Variants in FLNB observed in about 807,000 individuals in gnomAD.
FLNB encodes the protein filamin-B.
In FLNB, 111 loss-of-function variants were observed where a neutral mutation model predicts 250.6. That is an observed-to-expected ratio of 0.44 (90% CI 0.38 to 0.52). The LOEUF (loss-of-function observed/expected upper bound fraction) is 0.52, where lower values mean the gene tolerates loss of function less well. Among genes scored for constraint, FLNB ranks in the 20% least tolerant of loss-of-function variants. The probability of loss-of-function intolerance (pLI) is 0.00; values close to 1 mark genes in which losing one functional copy is unlikely to be tolerated. For missense variants in FLNB, 2,869 were observed against 3,447.8 expected, an observed-to-expected ratio of 0.83 and a Z score of 4.20; for synonymous variants, 1,302 against 1,372.1, an observed-to-expected ratio of 0.95 and a Z score of 1.13.
chr3:58,078,565 C>G (rs892610596), intron 2 of FLNB, 152 bp from the exon 3 acceptor site: 2 of 1,530,852 alleles, frequency 1.3e-6, no homozygotes, highest in Non-Finnish European at 1.8e-6. Context: ...ACCTGTGATA[C>G]TTTTTGCCTA....
chr3:58,085,762 A>C (rs1459791902), intron 4 of FLNB, among the ~76,000 whole-genome samples: 1 of 152,172 alleles, frequency 6.6e-6, no homozygotes, highest in Admixed American at 6.5e-5. Flanking sequence ...GCACCCTTCT[A>C]TCTGAGTAAT....
chr3:58,170,739 C>T lies in FLNB; in HGVS notation c.7786C>T (p.Pro2596Ser). ...GGGGGAGGAACACATCCCTGGCAGC[C>T]CTTTTCATGTCACAGTGCCTTAAAA... The part of the protein sequence containing the change: ...KWGEEHIPGS[P>S]FHVTVP Residue 2596 changes from proline to serine, a missense_variant, in exon 46 of 46, where the codon CCT becomes TCT. By Grantham distance (74) the Pro-to-Ser change is moderately conservative (BLOSUM62 -1). Transcript: ENST00000295956. 6.2e-7 allele frequency: 1 copy of T among 1,614,104 alleles called. No individual in the cohort carries two copies. Among genetic ancestry groups the T allele is most frequent in the Non-Finnish European group, 8.5e-7 (1 of 1,180,016 alleles).
intron 1 of FLNB, among the ~76,000 whole-genome samples, chr3:58,062,700 C>T (rs1009359178): frequency 3.3e-5 from 5 of 152,198 alleles, no homozygotes; most frequent in East Asian, 3.8e-4. Context: ...AGCAGCTCAC[C>T]GAGCAAGAAA....
intron 1 of FLNB, among the ~76,000 whole-genome samples, chr3:58,034,153 G>A (rs113734871): frequency 0.039 from 5,870 of 152,234 alleles, 162 homozygotes; most frequent in Non-Finnish European, 0.056. Flanking sequence ...GAGCCACCAC[G>A]CCTGGCCGGG....
At chr3:58,153,725 A>G in intron 39 of FLNB, 84 bp downstream of exon 39, 3 of 1,520,316 alleles carry the variant, frequency 2.0e-6, no homozygotes, top group Non-Finnish European at 2.7e-6. Context: ...TTTTTGCCCC[A>G]TTTGAAAGAG....
At chr3:58,154,500 G>A in intron 39 of FLNB, 1 of 360,534 alleles carries the variant, frequency 2.8e-6, no homozygotes, top group South Asian at 2.5e-5. Flanking sequence ...AGCTGAGATT[G>A]CACCACTGCA....
At chr3:58,018,915 A>G (rs774633048) in intron 1 of FLNB, among the ~76,000 whole-genome samples, 9 of 137,136 alleles carry the variant, frequency 6.6e-5, no homozygotes, top group African/African-American at 8.4e-5. Context: ...TGGAGGATCT[A>G]TTGAGGCCAG....
chr3:58,122,065 A>C (rs539359935), intron 20 of FLNB, among the ~76,000 whole-genome samples: 114 of 146,646 alleles, frequency 7.8e-4, no homozygotes, highest in African/African-American at 2.8e-3. Context: ...GCTACTCGGG[A>C]GGCTGAGGCA....
rs140179998 is a variant in FLNB at position 58,037,099 on chromosome 3, C to G, written c.292+28243C>G. 4.2e-3 allele frequency among the ~76,000 whole-genome samples: 536 copies of G among 126,752 alleles called. 3 individuals carry two copies. Among genetic ancestry groups the G allele is most frequent in the Middle Eastern group, 0.017 (3 of 178 alleles). 83.2% of individuals were successfully genotyped at this position (126,752 alleles called of 152,430 possible). Reference sequence around the variant, plus strand: ...TTTTTTTTTTTGAGACAGTCTCGCTCTATCACCCTGGCTGGAGTGCAGTGG... The same window carrying G: ...TTTTTTTTTTTGAGACAGTCTCGCTGTATCACCCTGGCTGGAGTGCAGTGG... On this transcript the variant is annotated intron_variant, in intron 1 of 45. Coordinates refer to ENST00000295956, the MANE Select transcript of FLNB (RefSeq NM_001457.4).
chr3:58,056,105 A>AT (rs781244971), intron 1 of FLNB, among the ~76,000 whole-genome samples: 3,136 of 128,710 alleles, frequency 0.024, 69 homozygotes, highest in African/African-American at 0.037. Flanking sequence ...TTATTTATTT[A>AT]TTTTTTTTTT....
chr3:58,148,123 C>A, intron 34 of FLNB, 83 bp from the exon 35 acceptor site: 7 of 1,411,058 alleles, frequency 5.0e-6, no homozygotes, highest in Non-Finnish European at 7.0e-6. Flanking sequence ...CGTGTTCATC[C>A]GTGAACAGCA....
chr3:58,163,385 G>C, intron 43 of FLNB, 55 bp downstream of exon 43: 3 of 1,572,718 alleles, frequency 1.9e-6, no homozygotes, highest in African/African-American at 1.3e-5. Context: ...CAGGGACCAA[G>C]CCAGATGGAA....
chr3:58,126,510 A>G (rs865802569), intron 23 of FLNB, 92 bp from the exon 24 acceptor site: 1 of 1,240,196 alleles, frequency 8.1e-7, no homozygotes, highest in Non-Finnish European at 1.2e-6. Context: ...TACGTGGAAT[A>G]GTTTATAAAG....
intron 1 of FLNB, among the ~76,000 whole-genome samples, chr3:58,066,037 G>A (rs1256944782): frequency 7.2e-5 from 11 of 152,084 alleles, no homozygotes; most frequent in African/African-American, 1.7e-4. Context: ...ATGCCCAGGC[G>A]TCCTTGGGGG....
intron 42 of FLNB, chr3:58,162,508 A>C (rs1485001484): frequency 6.5e-6 from 1 of 152,684 alleles, no homozygotes; most frequent in African/African-American, 2.4e-5. Flanking sequence ...TTCCCCTTCA[A>C]GTGGCCAAAT....
intron 1 of FLNB, among the ~76,000 whole-genome samples, chr3:58,025,130 TTTC>T (rs2097121587): frequency 3.3e-5 from 2 of 61,280 alleles, no homozygotes; most frequent in South Asian, 9.5e-4. Context: ...TCTTTCTTTC[TTTC>T]TTTTTTTTTT....
rs1266364010 is a variant in FLNB at position 58,148,318 on chromosome 3, C to T, written c.5841C>T (p.Gly1947=). ...CGGCCAGCATTAAGGCCCCATCTGG[C>T]CGAGACGAGCCCTGTCTCCTGAAGA... The part of the protein sequence containing the change: ...SLTASIKAPS[G]RDEPCLLKRL... Residue 1947 remains glycine, a synonymous_variant, in exon 35 of 46, where the codon GGC becomes GGT. Coordinates refer to ENST00000295956, the MANE Select transcript of FLNB (RefSeq NM_001457.4). 2 of 1,614,054 alleles carry T rather than the reference C, an allele frequency of 1.2e-6. No homozygotes were observed. Among genetic ancestry groups the T allele is most frequent in the Non-Finnish European group, 1.7e-6 (2 of 1,179,984 alleles).
intron 43 of FLNB, chr3:58,165,191 C>T (rs1406169936): frequency 6.6e-6 from 1 of 152,466 alleles, no homozygotes; most frequent in Non-Finnish European, 1.5e-5. Context: ...GGAAGCATCT[C>T]ACCCTCCTGC....
intron 1 of FLNB, among the ~76,000 whole-genome samples, chr3:58,060,119 G>A (rs576341358): frequency 2.5e-4 from 38 of 152,308 alleles, no homozygotes; most frequent in Admixed American, 9.1e-4. Flanking sequence ...CTGGGAGGTC[G>A]GACCTCTGCA....
Sources: gnomAD v4.1 joint callset for allele counts (sites outside exome capture counted in the v4.1 genomes callset) on GRCh38, gnomAD v4.1.1 for gene constraint, MANE v1.5 for transcripts, NCBI Gene and HGNC (gene_info 2026-07-23, HGNC 2026-07-21) for gene names.